Variants in GNAL observed in about 807,000 individuals in gnomAD.
The protein encoded by GNAL is G protein subunit alpha L, also known as guanine nucleotide-binding protein G(olf) subunit alpha.
In GNAL, 18 loss-of-function variants were observed where a neutral mutation model predicts 55.1. The ratio of observed to expected loss-of-function variants is 0.33; its 90% CI spans 0.23 to 0.48. GNAL has a LOEUF of 0.48. Among genes scored for constraint, GNAL ranks in the 20% least tolerant of loss-of-function variants. GNAL has a pLI of 0.99. For synonymous variants in GNAL, 253 were observed against 237.0 expected (o/e 1.07, Z -0.62); for missense variants, 412 against 614.1 (o/e 0.67, Z 3.48).
At chr18:11,831,001 A>G (rs2035370443) in intron 5 of GNAL, among the ~76,000 whole-genome samples, 1 of 152,218 alleles carries the variant, frequency 6.6e-6, no homozygotes, top group Non-Finnish European at 1.5e-5. Flanking sequence ...GTGACTGCTA[A>G]TGGATGATGG....
intron 4 of GNAL, among the ~76,000 whole-genome samples, chr18:11,774,289 TG>T (rs968137165): frequency 4.6e-5 from 7 of 152,242 alleles, no homozygotes; most frequent in Admixed American, 3.9e-4. Flanking sequence ...GAACTTTCTC[TG>T]CCTTCTGTCA....
chr18:11,865,893 A>T (rs2859542), intron 7 of GNAL, among the ~76,000 whole-genome samples: 20,709 of 148,750 alleles, frequency 0.14, 1,980 homozygotes, highest in Non-Finnish European at 0.2. Context: ...CACCCTCAGC[A>T]TGTCTGACTC....
intron 1 of GNAL, among the ~76,000 whole-genome samples, chr18:11,733,565 T>G (rs1214992066): frequency 6.6e-6 from 1 of 152,186 alleles, no homozygotes; most frequent in Non-Finnish European, 1.5e-5. Flanking sequence ...ATAAAGCAAA[T>G]GTGGTACTTA....
At chr18:11,843,438 T>G (rs2035661825) in intron 5 of GNAL, among the ~76,000 whole-genome samples, 1 of 151,908 alleles carries the variant, frequency 6.6e-6, no homozygotes, top group Non-Finnish European at 1.5e-5. Flanking sequence ...GGCAGGATAA[T>G]CACTTGAAGC....
intron 9 of GNAL, among the ~76,000 whole-genome samples, chr18:11,869,578 T>A (rs193089729): frequency 6.6e-6 from 1 of 152,190 alleles, no homozygotes; most frequent in African/African-American, 2.4e-5. Context: ...CAACCACAGA[T>A]TGAAAATATT....
At chr18:11,726,093 C>G (rs1280543598) in intron 1 of GNAL, among the ~76,000 whole-genome samples, 1 of 152,220 alleles carries the variant, frequency 6.6e-6, no homozygotes, top group African/African-American at 2.4e-5. Context: ...TCTGGGCTGT[C>G]TCTTCCATTG....
intron 4 of GNAL, among the ~76,000 whole-genome samples, chr18:11,778,977 A>G (rs1416354962): frequency 6.6e-6 from 1 of 152,156 alleles, no homozygotes; most frequent in Non-Finnish European, 1.5e-5. Flanking sequence ...GTCACTGTTC[A>G]GATACATTTC....
chr18:11,840,880 T>C (rs577247888), intron 5 of GNAL, among the ~76,000 whole-genome samples: 17 of 150,110 alleles, frequency 1.1e-4, no homozygotes, highest in Non-Finnish European at 2.4e-4. Context: ...CTTTTCTTTT[T>C]TTTTTTTTTT....
intron 4 of GNAL, among the ~76,000 whole-genome samples, chr18:11,815,368 C>A (rs1341430873): frequency 2.0e-5 from 3 of 151,712 alleles, no homozygotes; most frequent in Non-Finnish European, 4.4e-5. Context: ...ACTCATAGTT[C>A]TGCAGGCTGT....
intron 5 of GNAL, among the ~76,000 whole-genome samples, chr18:11,859,635 C>T (rs8088476): frequency 0.015 from 2,304 of 152,326 alleles, 57 homozygotes; most frequent in African/African-American, 0.053. Flanking sequence ...TAGCACCTCC[C>T]AGAGCTTGCA....
chr18:11,734,552 T>C (rs1427910034), intron 1 of GNAL, among the ~76,000 whole-genome samples: 2 of 151,786 alleles, frequency 1.3e-5, no homozygotes, highest in African/African-American at 4.8e-5. Flanking sequence ...TGATATGTCC[T>C]TGGAGAGCAG....
At chr18:11,862,530 T>A in intron 6 of GNAL, 81 bp downstream of exon 6, 1 of 1,203,288 alleles carries the variant, frequency 8.3e-7, no homozygotes, top group Non-Finnish European at 1.2e-6. Flanking sequence ...TATTTCAGAA[T>A]GAATTAAGGA....
At chr18:11,700,384 A>C (rs747500502) in intron 1 of GNAL, among the ~76,000 whole-genome samples, 21 of 152,244 alleles carry the variant, frequency 1.4e-4, no homozygotes, top group Non-Finnish European at 2.2e-4. Flanking sequence ...CGGGAGGGGC[A>C]CACACACACT....
At chr18:11,831,880 A>T (rs1226454291) in intron 5 of GNAL, among the ~76,000 whole-genome samples, 1 of 152,234 alleles carries the variant, frequency 6.6e-6, no homozygotes, top group Non-Finnish European at 1.5e-5. Flanking sequence ...GGTGGCACTG[A>T]GCAGCTGCAG....
In GNAL at chr18:11,759,325, T is replaced by C. The variant is rs79560135; in HGVS notation, c.624+5380T>C. ...TTTTATTCTTAAAATGTGGATACTTTATTAGCTCTTTTCAAATTGTATTTT... is the reference window on the plus strand; with the variant it reads ...TTTTATTCTTAAAATGTGGATACTTCATTAGCTCTTTTCAAATTGTATTTT... On this transcript the variant is annotated intron_variant, in intron 4 of 11. Coordinates refer to ENST00000334049, the MANE Select transcript of GNAL (RefSeq NM_182978.4). Among the ~76,000 whole-genome samples the C allele has an allele frequency of 1.2e-3, 188 of 152,386 alleles. 4 individuals are homozygous for C. The East Asian group carries it at 0.029, about 24-fold the overall frequency.
intron 4 of GNAL, among the ~76,000 whole-genome samples, chr18:11,816,883 C>G (rs1394171954): frequency 3.3e-5 from 5 of 150,158 alleles, no homozygotes; most frequent in Admixed American, 3.3e-4. Flanking sequence ...CAAAAATGTG[C>G]TAAGTGAAAG....
chr18:11,735,296 C>A (rs575325208), intron 1 of GNAL, among the ~76,000 whole-genome samples: 3 of 152,024 alleles, frequency 2.0e-5, no homozygotes, highest in South Asian at 2.1e-4. Flanking sequence ...AGTGATCCAC[C>A]CGCCTTGCCC....
intron 1 of GNAL, among the ~76,000 whole-genome samples, chr18:11,712,889 C>T (rs762034388): frequency 6.6e-6 from 1 of 152,106 alleles, no homozygotes; most frequent in Non-Finnish European, 1.5e-5. Flanking sequence ...CTTCATCCTA[C>T]CTGAAACTCC....
At chr18:11,745,471 A>G (rs2032669148) in intron 1 of GNAL, among the ~76,000 whole-genome samples, 1 of 152,256 alleles carries the variant, frequency 6.6e-6, no homozygotes, top group South Asian at 2.1e-4. Context: ...AAAGAAATTT[A>G]AATAATTAAA....
Sources: gnomAD v4.1 joint callset for allele counts (sites outside exome capture counted in the v4.1 genomes callset) on GRCh38, gnomAD v4.1.1 for gene constraint, MANE v1.5 for transcripts, NCBI Gene and HGNC (gene_info 2026-07-23, HGNC 2026-07-21) for gene names.